The following PKD2 variants were observed in gnomAD, a reference collection of about 807,000 sequenced individuals.
The protein encoded by PKD2 is polycystin-2.
In PKD2, 48 loss-of-function variants were observed where a neutral mutation model predicts 105.9. That is an observed-to-expected ratio of 0.45 (90% CI 0.36 to 0.58). The LOEUF (loss-of-function observed/expected upper bound fraction) is 0.58. Among genes scored for constraint, PKD2 ranks in the 20% least tolerant of loss-of-function variants. The pLI, the probability that PKD2 is intolerant of heterozygous loss-of-function variation, is 0.00. For synonymous variants in PKD2, 464 were observed against 481.1 expected (o/e 0.96, Z 0.46); for missense variants, 1,078 against 1,255.3 (o/e 0.86, Z 2.13).
At chr4:88,060,660 G>GT (rs1360469379) in intron 9 of PKD2, among the ~76,000 whole-genome samples, 10 of 151,798 alleles carry the variant, frequency 6.6e-5, no homozygotes, top group Admixed American at 6.6e-4. Flanking sequence ...GAAAAACAAA[G>GT]TAAAAAAAAA....
chr4:88,041,856 C>T (rs577581056), intron 4 of PKD2, among the ~76,000 whole-genome samples: 10 of 152,296 alleles, frequency 6.6e-5, no homozygotes, highest in Admixed American at 4.6e-4. Context: ...AACAGGCCTT[C>T]CTAAAGAAAG....
At chr4:88,019,190 A>G (rs1726660752) in intron 1 of PKD2, among the ~76,000 whole-genome samples, 2 of 152,162 alleles carry the variant, frequency 1.3e-5, no homozygotes, top group South Asian at 4.1e-4. Context: ...AGATATTGCT[A>G]ATGGGCTTGG....
In PKD2 at chr4:88,069,495, A is replaced by G. The variant is rs911343151; in HGVS notation, c.2522+1434A>G. Among the ~76,000 whole-genome samples the G allele has an allele frequency of 1.2e-4, 19 of 152,146 alleles. No homozygotes were observed. In the South Asian group the frequency reaches 3.9e-3, roughly 32 times the overall value. ...TTATACAATTAAGTTATGAAAAATT[A>G]CTTCAGATATATATTAACTGAATCC... On this transcript the variant is annotated intron_variant, in intron 13 of 14. Coordinates refer to ENST00000237596, the MANE Select transcript of PKD2 (RefSeq NM_000297.4).
intron 2 of PKD2, 146 bp from the exon 3 acceptor site, chr4:88,036,074 G>A: frequency 8.5e-7 from 1 of 1,174,670 alleles, no homozygotes; most frequent in Non-Finnish European, 1.3e-6. Context: ...GAATGATAGG[G>A]GAAAGGAAGG....
intron 1 of PKD2, among the ~76,000 whole-genome samples, chr4:88,012,074 C>G (rs10007768): frequency 0.011 from 1,645 of 152,304 alleles, 33 homozygotes; most frequent in African/African-American, 0.037. Flanking sequence ...AGCATTCTCC[C>G]ACCCAAATTG....
At chr4:88,053,499 A>G (rs536127243) in intron 7 of PKD2, among the ~76,000 whole-genome samples, 5 of 152,068 alleles carry the variant, frequency 3.3e-5, no homozygotes, top group Admixed American at 6.6e-5. Flanking sequence ...TCTACTAAAA[A>G]TACAAAAATT....
intron 1 of PKD2, 113 bp downstream of exon 1, chr4:88,008,441 T>A: frequency 7.7e-7 from 1 of 1,300,708 alleles, no homozygotes; most frequent in South Asian, 1.7e-5. Context: ...CCCCTCTGCG[T>A]TCCGCCTCCC....
chr4:88,012,571 A>T (rs1379956185), intron 1 of PKD2, among the ~76,000 whole-genome samples: 3 of 152,220 alleles, frequency 2.0e-5, no homozygotes, highest in Non-Finnish European at 1.5e-5. Context: ...TATACATAAC[A>T]TAAAATTGGC....
intron 4 of PKD2, among the ~76,000 whole-genome samples, chr4:88,041,219 G>GC (rs1223937552): frequency 6.6e-6 from 1 of 152,090 alleles, no homozygotes; most frequent in Admixed American, 6.6e-5. Context: ...TTTCCTCCTT[G>GC]CCCCAACTTC....
chr4:88,063,021 T>A (rs1289905398), intron 10 of PKD2, among the ~76,000 whole-genome samples: 3 of 152,174 alleles, frequency 2.0e-5, no homozygotes, highest in Non-Finnish European at 4.4e-5. Flanking sequence ...TAACTCTGAG[T>A]AACAGCACAA....
chr4:88,072,697 C>G (rs940947486), intron 13 of PKD2, among the ~76,000 whole-genome samples: 20 of 152,276 alleles, frequency 1.3e-4, no homozygotes, highest in African/African-American at 4.8e-4. Context: ...AGCCCCATTC[C>G]CCTTAGCCAC....
intron 4 of PKD2, among the ~76,000 whole-genome samples, chr4:88,041,640 C>T (rs892832310): frequency 6.6e-6 from 1 of 152,280 alleles, no homozygotes; most frequent in South Asian, 2.1e-4. Context: ...GGGGTGTTCA[C>T]TGGGTACTGG....
intron 2 of PKD2, among the ~76,000 whole-genome samples, chr4:88,030,062 G>A (rs984730008): frequency 1.9e-4 from 29 of 152,186 alleles, no homozygotes; most frequent in African/African-American, 6.3e-4. Flanking sequence ...AGATTAGATG[G>A]AAGCTACTCT....
intron 10 of PKD2, 97 bp downstream of exon 10, chr4:88,062,101 T>G: frequency 1.4e-6 from 1 of 732,548 alleles, no homozygotes; most frequent in South Asian, 1.5e-5. Flanking sequence ...CCATTGAAAT[T>G]GTTTGAAATA....
At chr4:88,015,988 T>G (rs1468850985) in intron 1 of PKD2, among the ~76,000 whole-genome samples, 1 of 152,134 alleles carries the variant, frequency 6.6e-6, no homozygotes, top group Non-Finnish European at 1.5e-5. Context: ...ATGAAACTGT[T>G]CCACCTCAGA....
Position 88,076,742 on chromosome 4 carries a change from T to C in PKD2, c.*1048T>C, listed in dbSNP as rs1371308691. ...GGCTCACGCCTGTAATCCCAGCACTTTGGGAGGCCGAAACAGGCGAATCAC... is the reference window on the plus strand; with the variant it reads ...GGCTCACGCCTGTAATCCCAGCACTCTGGGAGGCCGAAACAGGCGAATCAC... On this transcript the variant is annotated 3_prime_UTR_variant, in exon 15 of 15. Coordinates refer to ENST00000237596, the MANE Select transcript of PKD2 (RefSeq NM_000297.4). 6.6e-6 allele frequency: 1 copy of C among 152,170 alleles called. No homozygotes were observed. Among genetic ancestry groups the C allele is most frequent in the Non-Finnish European group, 1.5e-5 (1 of 68,036 alleles). 9.4% of individuals were successfully genotyped at this position (152,170 alleles called of 1,614,324 possible).
In PKD2 at chr4:88,015,873, G is replaced by A. The variant is rs367914009; in HGVS notation, c.596-3585G>A. Among the ~76,000 whole-genome samples, 12 of 152,334 alleles carry A rather than the reference G, an allele frequency of 7.9e-5. No homozygotes were observed. The South Asian group carries it at 2.5e-3, about 32-fold the overall frequency. ...TCCTATTAATAAGTAACATTGAGCA[G>A]AGGAATGCACTGTTTAGATCAGCAG... On this transcript the variant is annotated intron_variant, in intron 1 of 14. Transcript: ENST00000237596.
chr4:88,060,755 GGGAAAGGTCA>G (rs895005305), intron 9 of PKD2, among the ~76,000 whole-genome samples: 22 of 152,128 alleles, frequency 1.4e-4, no homozygotes, highest in African/African-American at 5.3e-4. Flanking sequence ...TACTGTGGAA[GGGAAAGGTCA>G]GAAAAATGAA....
At chr4:88,021,863 G>A (rs1266412031) in intron 2 of PKD2, among the ~76,000 whole-genome samples, 2 of 152,212 alleles carry the variant, frequency 1.3e-5, no homozygotes, top group African/African-American at 2.4e-5. Flanking sequence ...GCCTTCTCCA[G>A]GTTAAGCCTT....
Sources: allele counts gnomAD v4.1 joint callset (sites outside exome capture counted in the v4.1 genomes callset), GRCh38; gene constraint gnomAD v4.1.1; transcripts MANE v1.5; gene names NCBI Gene and HGNC (gene_info 2026-07-23, HGNC 2026-07-21).